Variants in NUP155 observed in about 807,000 individuals in gnomAD.
The protein encoded by NUP155 is nucleoporin 155, also known as nuclear pore complex protein Nup155.
Under a neutral mutation model 180.4 loss-of-function variants are expected in NUP155, and 71 were observed. That is an observed-to-expected ratio of 0.39 (90% CI 0.33 to 0.48). NUP155 has a LOEUF of 0.48. Among genes scored for constraint, NUP155 ranks in the 20% least tolerant of loss-of-function variants. The probability of loss-of-function intolerance (pLI) is 0.91; values close to 1 mark genes in which losing one functional copy is unlikely to be tolerated. For missense variants in NUP155, 1,553 were observed against 1,648.9 expected, an observed-to-expected ratio of 0.94 and a Z score of 1.01; for synonymous variants, 582 against 559.5, an observed-to-expected ratio of 1.04 and a Z score of -0.57.
Position 37,291,757 on chromosome 5 carries a change from T to C in NUP155, c.*143A>G. On this transcript the variant is annotated 3_prime_UTR_variant, in exon 35 of 35. Coordinates refer to ENST00000231498, the MANE Select transcript of NUP155 (RefSeq NM_153485.3). ...AAAAGAATTCATTTAGCAAAGGTAC[T>C]ATTTGTAGATATTAGCCACTTATTA... 1 of 687,284 alleles carries C rather than the reference T, an allele frequency of 1.5e-6. No individual in the cohort carries two copies. Among genetic ancestry groups the C allele is most frequent in the Non-Finnish European group, 2.5e-6 (1 of 407,726 alleles). The allele number at this position is 687,284 out of a possible 1,614,324, so 42.6% of individuals were successfully genotyped here.
rs561633573 is a variant in NUP155 at position 37,314,964 on chromosome 5, G to A, written c.2306-636C>T. Among the ~76,000 whole-genome samples, 102 of 152,266 alleles carry A rather than the reference G, an allele frequency of 6.7e-4. 1 individual carries two copies. The highest frequency in any genetic ancestry group is 3.5e-3 in the Admixed American group (54 of 15,294). ...AAAGTTCTACTGGCCAGGCGTGGTG[G>A]CTCACGCAAGTAATCCCAGCACTTT... On this transcript the variant is annotated intron_variant, in intron 21 of 34. Transcript: ENST00000231498.
At chr5:37,370,152 C>T (rs147316941) in intron 1 of NUP155, among the ~76,000 whole-genome samples, 1 of 152,284 alleles carries the variant, frequency 6.6e-6, no homozygotes, top group African/African-American at 2.4e-5. Flanking sequence ...GGGCGGATCA[C>T]TTGAGGTCAG....
At chr5:37,315,824 C>G (rs1248464436) in intron 21 of NUP155, among the ~76,000 whole-genome samples, 2 of 152,090 alleles carry the variant, frequency 1.3e-5, no homozygotes, top group African/African-American at 2.4e-5. Flanking sequence ...ATGCCTGTAA[C>G]CACAGCTACT....
intron 21 of NUP155, among the ~76,000 whole-genome samples, chr5:37,316,236 C>T (rs1009044317): frequency 6.6e-5 from 10 of 152,158 alleles, no homozygotes; most frequent in Admixed American, 5.9e-4. Context: ...ATAGAAATTA[C>T]TCAGTCTTAA....
intron 32 of NUP155, among the ~76,000 whole-genome samples, 196 bp from the exon 33 acceptor site, chr5:37,294,661 G>C (rs966960907): frequency 2.0e-5 from 3 of 151,962 alleles, no homozygotes; most frequent in Non-Finnish European, 4.4e-5. Flanking sequence ...TACAGTGCAC[G>C]ACAGCCTTGA....
Position 37,327,621 on chromosome 5 carries a change from A to G in NUP155, c.2024+8T>C, listed in dbSNP as rs371100786. ...GAGCAATAATTCATTATTTCATGACAAACTTACCCCATGATCCGAGAAAAG... is the reference window on the plus strand; with the variant it reads ...GAGCAATAATTCATTATTTCATGACGAACTTACCCCATGATCCGAGAAAAG... On this transcript the variant is annotated splice_region_variant and intron_variant, in intron 18 of 34. Transcript: ENST00000231498. 9.9e-6 allele frequency: 16 copies of G among 1,613,904 alleles called. No individual in the cohort carries two copies. In the African/African-American group the frequency reaches 2.1e-4, roughly 22 times the overall value.
At chr5:37,313,408 AGAGT>A (rs1743648614) in intron 22 of NUP155, among the ~76,000 whole-genome samples, 2 of 151,754 alleles carry the variant, frequency 1.3e-5, no homozygotes, top group Non-Finnish European at 2.9e-5. Flanking sequence ...CCTGGGCGAC[AGAGT>A]GAGACTCCAT....
chr5:37,347,466 C>G (rs1005032698), intron 9 of NUP155, among the ~76,000 whole-genome samples: 2 of 146,736 alleles, frequency 1.4e-5, no homozygotes, highest in African/African-American at 5.1e-5. Flanking sequence ...GAGGCCAAGG[C>G]AGGTGGATCA....
rs571350126 is a variant in NUP155, at chr5:37,307,738, A to G, written c.2768-306T>C. Among the ~76,000 whole-genome samples, 31 of 152,120 alleles carry G rather than the reference A, an allele frequency of 2.0e-4. No individual in the cohort carries two copies. The South Asian group carries it at 3.5e-3, about 17-fold the overall frequency. ...GGGGTTCGAGACCAGCCTGACCAAC[A>G]TGGTGAAACCCCACCTCTACTAAAA... On this transcript the variant is annotated intron_variant, in intron 24 of 34. Coordinates refer to ENST00000231498, the MANE Select transcript of NUP155 (RefSeq NM_153485.3).
intron 9 of NUP155, among the ~76,000 whole-genome samples, chr5:37,348,291 G>A (rs1476444692): frequency 6.6e-6 from 1 of 151,800 alleles, no homozygotes; most frequent in Non-Finnish European, 1.5e-5. Context: ...GTGACAGAGT[G>A]AGACCCTGTC....
intron 23 of NUP155, 60 bp downstream of exon 23, chr5:37,310,492 G>A: frequency 1.5e-6 from 2 of 1,373,158 alleles, no homozygotes; most frequent in Non-Finnish European, 2.1e-6. Context: ...GAAACAAGAT[G>A]GTTCATCATA....
At chr5:37,307,647 G>A (rs1054479467) in intron 24 of NUP155, among the ~76,000 whole-genome samples, 4 of 152,154 alleles carry the variant, frequency 2.6e-5, no homozygotes, top group African/African-American at 9.7e-5. Flanking sequence ...TGGGGGCCAG[G>A]TGTGGTGGCT....
chr5:37,348,307 A>AAAATAAATAAAT (rs56758251), intron 9 of NUP155, among the ~76,000 whole-genome samples, 198 bp downstream of exon 9: 1 of 151,516 alleles, frequency 6.6e-6, no homozygotes, highest in Non-Finnish European at 1.5e-5. Context: ...CTGTCTCAAA[A>AAAATAAATAAAT]AAATAAATAA....
intron 1 of NUP155, among the ~76,000 whole-genome samples, chr5:37,368,302 C>T (rs1354740670): frequency 5.5e-5 from 8 of 145,830 alleles, no homozygotes; most frequent in Non-Finnish European, 1.0e-4. Context: ...TCCCTGCAGT[C>T]TCAACCTCCC....
chr5:37,341,029 C>G, intron 11 of NUP155, 61 bp downstream of exon 11: 1 of 1,348,778 alleles, frequency 7.4e-7, no homozygotes, highest in Middle Eastern at 1.8e-4. Flanking sequence ...CTTCACAACA[C>G]CATATAATTT....
In NUP155 at chr5:37,350,280, T is replaced by C; in HGVS notation, c.724-15A>G. 10 of 1,561,186 alleles carry C rather than the reference T, an allele frequency of 6.4e-6. No homozygotes were observed. Among genetic ancestry groups the C allele is most frequent in the Non-Finnish European group, 8.8e-6 (10 of 1,132,046 alleles). Reference sequence around the variant, plus strand: ...CCTGCTTCAGCCTTAAAGAAAAAAGTAGAAAGACGACTTATAAAAGTATGT... The same window carrying C: ...CCTGCTTCAGCCTTAAAGAAAAAAGCAGAAAGACGACTTATAAAAGTATGT... On this transcript the variant is annotated splice_polypyrimidine_tract_variant and intron_variant, in intron 6 of 34. Transcript: ENST00000231498.
At chr5:37,341,393 G>C in intron 10 of NUP155, 151 bp from the exon 11 acceptor site, 1 of 724,248 alleles carries the variant, frequency 1.4e-6, no homozygotes, top group Non-Finnish European at 2.4e-6. Flanking sequence ...ATGGAGTCTA[G>C]CTCTGTCGCC....
In NUP155 at chr5:37,342,179, C is replaced by A. The variant is rs537717794; in HGVS notation, c.1093+370G>T. 3.0e-3 allele frequency among the ~76,000 whole-genome samples: 457 copies of A among 152,294 alleles called. 3 individuals are homozygous for A. Among genetic ancestry groups the A allele is most frequent in the Non-Finnish European group, 5.0e-3 (343 of 68,030 alleles). On this transcript the variant is annotated intron_variant, in intron 10 of 34. Transcript: ENST00000231498. ...ACAGCCTCCCAAGCAGCTGGTACTACAAGGCCGTGCCATCACACCTAGCTA... is the reference window on the plus strand; with the variant it reads ...ACAGCCTCCCAAGCAGCTGGTACTAAAAGGCCGTGCCATCACACCTAGCTA...
intron 27 of NUP155, among the ~76,000 whole-genome samples, chr5:37,304,427 A>G (rs551947962): frequency 6.6e-6 from 1 of 152,242 alleles, no homozygotes; most frequent in East Asian, 1.9e-4. Context: ...GGTAGGTAAA[A>G]GGACATATCT....
Sources: allele counts gnomAD v4.1 joint callset (sites outside exome capture counted in the v4.1 genomes callset), GRCh38; gene constraint gnomAD v4.1.1; transcripts MANE v1.5; gene names NCBI Gene and HGNC (gene_info 2026-07-23, HGNC 2026-07-21).